CEP72: variants seen among roughly 807,000 people sequenced by gnomAD.
The protein encoded by CEP72 is centrosomal protein 72.
In CEP72, 78 loss-of-function variants were observed where a neutral mutation model predicts 65.7. The observed-to-expected ratio is 1.19, with a 90% CI of 0.99 to 1.43. CEP72 has a LOEUF of 1.43. Among genes scored for constraint, CEP72 ranks in the 40% most tolerant of loss-of-function variants. The pLI is 0.00. For synonymous variants in CEP72, 358 were observed against 351.7 expected, an observed-to-expected ratio of 1.02 and a Z score of -0.20; for missense variants, 914 against 832.9, an observed-to-expected ratio of 1.10 and a Z score of -1.20.
chr5:641,276 G>C, intron 9 of CEP72: 1 of 985,420 alleles, frequency 1.0e-6, no homozygotes, highest in Non-Finnish European at 1.2e-6. Flanking sequence ...GGCATCCTTA[G>C]CACAGGGAGC....
At chr5:615,514 T>A (rs1735939442) in intron 1 of CEP72, among the ~76,000 whole-genome samples, 1 of 152,196 alleles carries the variant, frequency 6.6e-6, no homozygotes, top group Non-Finnish European at 1.5e-5. Context: ...TAGCTTCTTT[T>A]GATTGGTTTT....
chr5:618,193 A>C (rs975074332), intron 1 of CEP72, among the ~76,000 whole-genome samples: 1 of 152,142 alleles, frequency 6.6e-6, no homozygotes, highest in Non-Finnish European at 1.5e-5. Context: ...GAGGCAGTAA[A>C]GGTGGGAAGA....
At chr5:646,238 C>A (rs1360506350) in intron 10 of CEP72, among the ~76,000 whole-genome samples, 2 of 152,192 alleles carry the variant, frequency 1.3e-5, no homozygotes, top group African/African-American at 4.8e-5. Context: ...TGAATTTTTT[C>A]TTTTATTGCT....
downstream of CEP72, among the ~76,000 whole-genome samples, chr5:669,282 C>T (rs138819413): frequency 4.1e-4 from 31 of 74,860 alleles, no homozygotes; most frequent in South Asian, 7.1e-3. Context: ...CTGGTGAGCC[C>T]GGTGAGCCGG....
At position 648,312 on chromosome 5, in the gene CEP72, G is replaced by A. The variant is rs1439079184; in HGVS notation, c.1778+396G>A. 1.3e-4 allele frequency among the ~76,000 whole-genome samples: 17 copies of A among 133,466 alleles called. 3 individuals are homozygous for A. Among genetic ancestry groups the A allele is most frequent in the Non-Finnish European group, 3.2e-5 (2 of 62,200 alleles). 87.6% of individuals were successfully genotyped at this position (133,466 alleles called of 152,430 possible). On this transcript the variant is annotated intron_variant, in intron 11 of 11. Coordinates refer to ENST00000264935, the MANE Select transcript of CEP72 (RefSeq NM_018140.4). ...TGTGGACTGTGAGGTGTGACTGTGA[G>A]GTATGACTGTGAGGCATGGACTGTG...
At chr5:617,721 C>T (rs73734329) in intron 1 of CEP72, among the ~76,000 whole-genome samples, 3,999 of 152,166 alleles carry the variant, frequency 0.026, 69 homozygotes, top group African/African-American at 0.041. Context: ...GGGTTTTAGC[C>T]GGATGTGGTG....
Position 665,532 on chromosome 5 carries a change from T to C in CEP72, n.433+207T>C, listed in dbSNP as rs141027459. 6.0e-3 allele frequency among the ~76,000 whole-genome samples: 914 copies of C among 152,112 alleles called. 31 individuals are homozygous for C. The highest frequency in any genetic ancestry group is 0.051 in the Admixed American group (784 of 15,288). Reference sequence around the variant, plus strand: ...TGCCCAGGTCCACCTGGTGTTTATGTAGTTGGGGACCCCACCACCTGCACC... The same window carrying C: ...TGCCCAGGTCCACCTGGTGTTTATGCAGTTGGGGACCCCACCACCTGCACC... On this transcript the variant is annotated intron_variant and non_coding_transcript_variant, in intron 3 of 4. Coordinates refer to the CEP72 transcript ENST00000514507.
intron 11 of CEP72, among the ~76,000 whole-genome samples, chr5:652,558 A>C (rs1003698903): frequency 1.1e-4 from 17 of 152,248 alleles, no homozygotes; most frequent in African/African-American, 4.1e-4. Context: ...CTATTGCACT[A>C]TTATGATGTC....
At position 640,506 on chromosome 5, in the gene CEP72, A is replaced by G; in HGVS notation, c.1441A>G (p.Ser481Gly). ...GEDVGSLALE[S>G]KSLQSRLAEQ... ...AGATGTCGGCTCCCTGGCTCTGGAG[A>G]GTAAGTCCCTGCAAAGCCGCCTTGC... The change falls in exon 9 of 12, where the codon AGT (serine) becomes GGT (glycine). Residue 481 changes from serine (S) to glycine (G), a missense_variant. By Grantham distance (56) the Ser-to-Gly change is moderately conservative (BLOSUM62 0). Transcript: ENST00000264935. The G allele has an allele frequency of 6.2e-7, 1 of 1,614,178 alleles. No individual in the cohort carries two copies. Among genetic ancestry groups the G allele is most frequent in the Admixed American group, 1.7e-5 (1 of 60,018 alleles).
At position 633,919 on chromosome 5, in the gene CEP72, G is replaced by T. The variant is rs62001012; in HGVS notation, c.663G>T (p.Gly221=). The T allele has an allele frequency of 1.3e-4, 205 of 1,612,704 alleles. No individual in the cohort carries two copies. In the African/African-American group the frequency reaches 2.3e-3, roughly 18 times the overall value. Residue 221 remains glycine (G), a synonymous_variant, in exon 5 of 12, where the codon GGG becomes GGT. Coordinates refer to ENST00000264935, the MANE Select transcript of CEP72 (RefSeq NM_018140.4). ...GGAGCACGAGCTTCAGCCAGAAGGG[G>T]CGTGAGGCCGACTCTCGTGGTTCCC... ...PPGSTSFSQK[G]READSRGSQE... is the part of the protein sequence containing the mutation.
At chr5:674,888 C>T in the CEP72 span, among the ~76,000 whole-genome samples, 4 of 150,564 alleles carry the variant, frequency 2.7e-5, no homozygotes, top group Non-Finnish European at 5.9e-5. Flanking sequence ...TGCCAAAGAG[C>T]CCACAAGCAA....
rs1280762000 is a variant in CEP72 at position 628,693 on chromosome 5, G to T, written c.512+4114G>T. ...CTGGAGAACTCAGGTCACAGGCCCC[G>T]GGGAGTGTTCCCAGGACCCAGCCCC... On this transcript the variant is annotated intron_variant, in intron 4 of 11. Coordinates refer to ENST00000264935, the MANE Select transcript of CEP72 (RefSeq NM_018140.4). 2.5e-5 allele frequency among the ~76,000 whole-genome samples: 3 copies of T among 121,032 alleles called. 1 individual carries two copies. In the Admixed American group the frequency reaches 2.7e-4, roughly 11 times the overall value. 79.4% of individuals were successfully genotyped at this position (121,032 alleles called of 152,430 possible).
At chr5:636,476 A>G (rs888474465) in intron 6 of CEP72, among the ~76,000 whole-genome samples, 7 of 152,224 alleles carry the variant, frequency 4.6e-5, no homozygotes, top group Non-Finnish European at 7.3e-5. Flanking sequence ...ACGTGATACC[A>G]TGTGATGGCC....
intron 11 of CEP72, among the ~76,000 whole-genome samples, chr5:651,459 G>A (rs991508012): frequency 1.3e-5 from 2 of 151,980 alleles, no homozygotes; most frequent in Non-Finnish European, 2.9e-5. Flanking sequence ...GTGCATGAGA[G>A]ATGGTCGGGC....
rs374030378 is a variant in CEP72, at chr5:637,436, A to G, written c.905-81A>G. ...TGTGTGTATATACATGGGCACACAC[A>G]TGCCTTTTAAAAGTTACAGTGCTGA... On this transcript the variant is annotated intron_variant, in intron 6 of 11. Coordinates refer to ENST00000264935, the MANE Select transcript of CEP72 (RefSeq NM_018140.4). 19 of 1,274,486 alleles carry G rather than the reference A, an allele frequency of 1.5e-5. No homozygotes were observed. The African/African-American group carries it at 2.1e-4, about 14-fold the overall frequency. 78.9% of individuals were successfully genotyped at this position (1,274,486 alleles called of 1,614,324 possible).
At position 653,243 on chromosome 5, in the gene CEP72, G is replaced by A; in HGVS notation, c.*90G>A. ...TACTTCTTTATTGAGTGTACTGGCTGGCAAGAGTTCTCTCTTCTGTTGGTA... is the reference window on the plus strand; with the variant it reads ...TACTTCTTTATTGAGTGTACTGGCTAGCAAGAGTTCTCTCTTCTGTTGGTA... On this transcript the variant is annotated 3_prime_UTR_variant, in exon 12 of 12. Coordinates refer to ENST00000264935, the MANE Select transcript of CEP72 (RefSeq NM_018140.4). The A allele has an allele frequency of 1.6e-6, 2 of 1,253,654 alleles. No individual in the cohort carries two copies. Among genetic ancestry groups the A allele is most frequent in the South Asian group, 1.7e-5 (1 of 58,500 alleles). The allele number at this position is 1,253,654 out of a possible 1,614,324, so 77.7% of individuals were successfully genotyped here.
intron 1 of CEP72, among the ~76,000 whole-genome samples, chr5:615,111 C>T (rs748904125): frequency 1.3e-4 from 18 of 142,186 alleles, no homozygotes; most frequent in Non-Finnish European, 1.7e-4. Context: ...TGGACTGACC[C>T]TTTTAGTATA....
At chr5:662,003 C>G (rs932417047), downstream of CEP72, 2 of 152,502 alleles carry the variant, frequency 1.3e-5, no homozygotes, top group Non-Finnish European at 2.9e-5. Flanking sequence ...CCAGGGTGCT[C>G]CAGGCCAGGA....
downstream of CEP72, among the ~76,000 whole-genome samples, chr5:654,726 C>G (rs1174850012): frequency 1.3e-5 from 2 of 152,080 alleles, no homozygotes; most frequent in African/African-American, 2.4e-5. Context: ...AGATGCTTAC[C>G]TCGTTTGGGT....
Sources: gnomAD v4.1 joint callset for allele counts (sites outside exome capture counted in the v4.1 genomes callset) on GRCh38, gnomAD v4.1.1 for gene constraint, MANE v1.5 for transcripts, NCBI Gene and HGNC (gene_info 2026-07-23, HGNC 2026-07-21) for gene names.